TAFA1: variants seen among roughly 807,000 people sequenced by gnomAD.
TAFA1 encodes TAFA chemokine like family member 1.
TAFA1 carries 4 observed loss-of-function variants against 18.5 expected under a neutral mutation model. The observed-to-expected ratio is 0.22, with a 90% confidence interval of 0.11 to 0.49. The LOEUF (loss-of-function observed/expected upper bound fraction) is 0.49, where lower values mean the gene tolerates loss of function less well. TAFA1 is among the 20% of genes least tolerant of loss of function. TAFA1 has a pLI of 0.98. For missense variants in TAFA1, 147 were observed against 169.0 expected (o/e 0.87, Z 0.72); for synonymous variants, 56 against 55.2 (o/e 1.01, Z -0.06).
chr3:68,251,965 A>G (rs1179310910), intron 2 of TAFA1, among the ~76,000 whole-genome samples: 1 of 152,218 alleles, frequency 6.6e-6, no homozygotes, highest in Non-Finnish European at 1.5e-5. Flanking sequence ...ACTGGGGTCT[A>G]TGCAGTTCCC....
At chr3:68,387,635 C>A (rs1302058990) in intron 2 of TAFA1, among the ~76,000 whole-genome samples, 1 of 152,020 alleles carries the variant, frequency 6.6e-6, no homozygotes, top group East Asian at 1.9e-4. Context: ...GATTTATTTT[C>A]CCAGATTTTC....
At chr3:68,261,254 G>A (rs2067415058) in intron 2 of TAFA1, among the ~76,000 whole-genome samples, 1 of 152,134 alleles carries the variant, frequency 6.6e-6, no homozygotes, top group Non-Finnish European at 1.5e-5. Flanking sequence ...TCATTAAAAA[G>A]TCAGGAAAAA....
At chr3:68,137,606 G>C (rs1472269970) in intron 2 of TAFA1, among the ~76,000 whole-genome samples, 2 of 152,128 alleles carry the variant, frequency 1.3e-5, no homozygotes, top group African/African-American at 4.8e-5. Flanking sequence ...CTTACCTCTA[G>C]GTTTGAGTGA....
chr3:68,227,694 CT>C (rs111507370), intron 2 of TAFA1, among the ~76,000 whole-genome samples: 7 of 152,244 alleles, frequency 4.6e-5, no homozygotes, highest in African/African-American at 1.4e-4. Context: ...AGACTGTTGG[CT>C]TTTTTTCTCC....
intron 3 of TAFA1, among the ~76,000 whole-genome samples, chr3:68,496,828 G>A (rs942411391): frequency 6.6e-6 from 1 of 152,050 alleles, no homozygotes; most frequent in African/African-American, 2.4e-5. Context: ...CCTATATCAT[G>A]GGGTGGTCCT....
the TAFA1 span, among the ~76,000 whole-genome samples, chr3:67,996,372 G>T: frequency 6.6e-6 from 1 of 152,214 alleles, no homozygotes; most frequent in Non-Finnish European, 1.5e-5. Flanking sequence ...ATATTTTCAA[G>T]AAAGGAGTGA....
At chr3:68,320,942 G>A (rs1257465454) in intron 2 of TAFA1, among the ~76,000 whole-genome samples, 1 of 152,134 alleles carries the variant, frequency 6.6e-6, no homozygotes, top group Non-Finnish European at 1.5e-5. Context: ...GCTGGGCATG[G>A]TCTAGCCCTA....
chr3:68,314,756 C>A (rs1559613362), intron 2 of TAFA1, among the ~76,000 whole-genome samples: 1 of 151,922 alleles, frequency 6.6e-6, no homozygotes, highest in Non-Finnish European at 1.5e-5. Context: ...AGCCCAGCTT[C>A]CCCATCTTAA....
chr3:68,471,290 G>A (rs530575310), intron 3 of TAFA1, among the ~76,000 whole-genome samples: 10 of 152,318 alleles, frequency 6.6e-5, no homozygotes, highest in South Asian at 6.2e-4. Flanking sequence ...TGTGAGGTAC[G>A]AGCCCCCACA....
At position 68,412,930 on chromosome 3, in the gene TAFA1, T is replaced by C. The variant is rs1432272000; in HGVS notation, c.119-4350T>C. The stretch of plus-strand genomic sequence containing the variant: ...CTGGGTCAAATGGTATTTCTAGTTC[T>C]AGATCCCTGAGGAATTGCCACACTG... On this transcript the variant is annotated intron_variant, in intron 2 of 4. Transcript: ENST00000478136. 9.9e-5 allele frequency among the ~76,000 whole-genome samples: 15 copies of C among 151,812 alleles called. No individual in the cohort carries two copies. In the East Asian group the frequency reaches 2.0e-3, roughly 20 times the overall value.
At chr3:68,377,183 T>G (rs72627001) in intron 2 of TAFA1, among the ~76,000 whole-genome samples, 3,909 of 152,252 alleles carry the variant, frequency 0.026, 73 homozygotes, top group East Asian at 0.092. Context: ...AATAGATACT[T>G]GAAAATATGG....
chr3:68,439,585 A>C (rs1349957970), intron 3 of TAFA1, among the ~76,000 whole-genome samples: 1 of 151,678 alleles, frequency 6.6e-6, no homozygotes, highest in Non-Finnish European at 1.5e-5. Context: ...AGTATACAGC[A>C]TGGGAGAAAG....
intron 2 of TAFA1, among the ~76,000 whole-genome samples, chr3:68,251,289 A>G (rs538394025): frequency 8.5e-4 from 129 of 152,304 alleles, no homozygotes; most frequent in African/African-American, 3.1e-3. Flanking sequence ...CCCTGCCCAC[A>G]GTGTGGCATT....
intron 2 of TAFA1, among the ~76,000 whole-genome samples, chr3:68,397,190 A>T (rs2070397748): frequency 1.3e-5 from 2 of 152,202 alleles, no homozygotes; most frequent in Non-Finnish European, 2.9e-5. Context: ...CATGTACAGA[A>T]CATGTAGGTT....
intron 2 of TAFA1, among the ~76,000 whole-genome samples, chr3:68,337,019 G>A (rs765487774): frequency 1.3e-5 from 2 of 152,130 alleles, no homozygotes; most frequent in African/African-American, 4.8e-5. Context: ...CACCGTGCCC[G>A]GCCTAATGTT....
chr3:68,378,235 T>C (rs1171436174), intron 2 of TAFA1, among the ~76,000 whole-genome samples: 2 of 152,160 alleles, frequency 1.3e-5, no homozygotes, highest in Non-Finnish European at 2.9e-5. Context: ...TGCTAGCCCA[T>C]GAAAAGGCTG....
At chr3:68,190,138 G>T (rs942352257) in intron 2 of TAFA1, among the ~76,000 whole-genome samples, 1 of 151,070 alleles carries the variant, frequency 6.6e-6, no homozygotes, top group East Asian at 1.9e-4. Context: ...AGATACTAAC[G>T]AATTCTAACA....
intron 2 of TAFA1, among the ~76,000 whole-genome samples, chr3:68,223,717 G>A (rs2066760418): frequency 6.6e-6 from 1 of 152,074 alleles, no homozygotes. Context: ...TAGACAAGTG[G>A]CAGGGTCTTT....
chr3:68,252,546 T>A (rs918395491), intron 2 of TAFA1, among the ~76,000 whole-genome samples: 1 of 152,154 alleles, frequency 6.6e-6, no homozygotes, highest in Non-Finnish European at 1.5e-5. Context: ...CTCCACAGTC[T>A]CCACCACTCT....
Sources: allele counts gnomAD v4.1 joint callset (sites outside exome capture counted in the v4.1 genomes callset), GRCh38; gene constraint gnomAD v4.1.1; transcripts MANE v1.5; gene names NCBI Gene and HGNC (gene_info 2026-07-23, HGNC 2026-07-21).